Variants in KIF1A observed in about 807,000 individuals in gnomAD.
The protein encoded by KIF1A is kinesin-like protein KIF1A.
KIF1A carries 46 observed loss-of-function variants against 227.3 expected under a neutral mutation model. The observed-to-expected ratio is 0.20, with a 90% CI of 0.16 to 0.26. KIF1A has a LOEUF of 0.26. Ranked by LOEUF, KIF1A falls within the 10% of genes least tolerant of loss-of-function variation. The pLI is 1.00. For synonymous variants in KIF1A, 1,022 were observed against 1,012.8 expected, an observed-to-expected ratio of 1.01 and a Z score of -0.17; for missense variants, 1,683 against 2,485.9, an observed-to-expected ratio of 0.68 and a Z score of 6.87.
intron 7 of KIF1A, 69 bp from the exon 8 acceptor site, chr2:240,783,885 GC>G: frequency 8.2e-7 from 1 of 1,225,910 alleles, no homozygotes; most frequent in Non-Finnish European, 1.2e-6. Flanking sequence ...GGACCCCTGG[GC>G]AAGGTCTCCA....
intron 34 of KIF1A, among the ~76,000 whole-genome samples, chr2:240,742,092 T>C (rs2048041436): frequency 6.6e-6 from 1 of 152,250 alleles, no homozygotes; most frequent in South Asian, 2.1e-4. Flanking sequence ...GACCAGGGAC[T>C]GGCTCTGCAG....
intron 1 of KIF1A, among the ~76,000 whole-genome samples, chr2:240,811,640 T>A (rs577115494): frequency 1.3e-4 from 19 of 151,930 alleles, no homozygotes; most frequent in African/African-American, 4.1e-4. Context: ...CTGGGACAGG[T>A]GGGGCAGGAA....
chr2:240,821,218 C>T (rs1438110774), upstream of KIF1A, among the ~76,000 whole-genome samples: 2 of 152,214 alleles, frequency 1.3e-5, no homozygotes, highest in Non-Finnish European at 2.9e-5. Context: ...CCATCGAGCC[C>T]CTGCCATGGG....
At chr2:240,818,079 G>T (rs1316105538) in intron 1 of KIF1A, among the ~76,000 whole-genome samples, 6 of 152,130 alleles carry the variant, frequency 3.9e-5, no homozygotes, top group Non-Finnish European at 7.4e-5. Flanking sequence ...GCAGCACCCG[G>T]CTGGGAGCAG....
At chr2:240,805,561 C>G (rs2057345170) in intron 1 of KIF1A, among the ~76,000 whole-genome samples, 1 of 152,166 alleles carries the variant, frequency 6.6e-6, no homozygotes, top group African/African-American at 2.4e-5. Context: ...GGGATTTTAA[C>G]ACACTTCTCA....
At position 240,790,856 on chromosome 2, in the gene KIF1A, C is replaced by T. The variant is rs962341144; in HGVS notation, c.107-1544G>A. 1.3e-5 allele frequency among the ~76,000 whole-genome samples: 2 copies of T among 152,152 alleles called. No homozygotes were observed. Among genetic ancestry groups the T allele is most frequent in the African/African-American group, 4.8e-5 (2 of 41,428 alleles). ...ATGGCTCAGGAGCAGCCACCTCTGC[C>T]ACCACCTTGATCTCAGACTTCTGGC... On this transcript the variant is annotated intron_variant, in intron 2 of 48. Coordinates refer to ENST00000498729, the MANE Select transcript of KIF1A (RefSeq NM_001244008.2). The surrounding 1 kb of genome is among the most constrained non-coding windows in gnomAD (Gnocchi z 5.0).
At chr2:240,742,438 T>C (rs570291887) in intron 34 of KIF1A, among the ~76,000 whole-genome samples, 4 of 152,042 alleles carry the variant, frequency 2.6e-5, no homozygotes, top group African/African-American at 9.6e-5. Context: ...AACTCCACTC[T>C]TTTAACTAAA....
chr2:240,765,645 T>C, intron 20 of KIF1A, 65 bp downstream of exon 20: 1 of 1,315,018 alleles, frequency 7.6e-7, no homozygotes, highest in Non-Finnish European at 1.1e-6. Flanking sequence ...GGCTTGGACA[T>C]GGGAACAGAG....
chr2:240,806,391 C>T (rs2057407544), intron 1 of KIF1A, among the ~76,000 whole-genome samples: 1 of 152,202 alleles, frequency 6.6e-6, no homozygotes, highest in African/African-American at 2.4e-5. Context: ...ATTCTCAAAA[C>T]TCACACAAGG....
intron 25 of KIF1A, among the ~76,000 whole-genome samples, chr2:240,760,021 G>GAAAAA (rs397967291): frequency 1.9e-3 from 263 of 135,548 alleles, no homozygotes; most frequent in African/African-American, 6.7e-3. Flanking sequence ...GTCTCTTAAA[G>GAAAAA]AAAAAAAAAA....
chr2:240,784,325 C>T (rs1202856794), intron 7 of KIF1A, among the ~76,000 whole-genome samples: 2 of 152,140 alleles, frequency 1.3e-5, no homozygotes, highest in African/African-American at 4.8e-5. Context: ...CCTGGCCCCT[C>T]CTGAGCCATA....
intron 38 of KIF1A, among the ~76,000 whole-genome samples, chr2:240,731,891 AGGAGGGG>A (rs1316399895): frequency 0.048 from 156 of 3,240 alleles, no homozygotes; most frequent in Non-Finnish European, 0.07. Context: ...GGATGAGGGG[AGGAGGGG>A]AGGAGGGGAG....
intron 12 of KIF1A, 125 bp downstream of exon 12, chr2:240,774,058 G>C: frequency 1.7e-6 from 1 of 583,092 alleles, no homozygotes; most frequent in South Asian, 2.5e-5. Context: ...GCCTCACAGA[G>C]TCCAGGGTAT....
At chr2:240,751,448 C>CGCCCAG (rs2049196925) in intron 27 of KIF1A, among the ~76,000 whole-genome samples, 2 of 152,176 alleles carry the variant, frequency 1.3e-5, no homozygotes, top group African/African-American at 2.4e-5. Flanking sequence ...GGGCTGTGAA[C>CGCCCAG]GCCCAACACC....
In KIF1A at chr2:240,788,033, C is replaced by A. The variant is rs1188103117; in HGVS notation, c.363+18G>T. The stretch of plus-strand genomic sequence containing the variant: ...CCCCATCTGCCAGGGCTGCCCCCGC[C>A]CGCCCCCCGCTTCGTGCCTGTGGGA... On this transcript the variant is annotated intron_variant, in intron 4 of 48. Transcript: ENST00000498729. This position sits in a 1 kb window ranked among gnomAD's most constrained non-coding sequence, Gnocchi z 6.6. 5.5e-6 allele frequency: 8 copies of A among 1,442,256 alleles called. 1 individual carries two copies. The highest frequency in any genetic ancestry group is 7.6e-6 in the Non-Finnish European group (8 of 1,053,172). 89.3% of individuals were successfully genotyped at this position (1,442,256 alleles called of 1,614,324 possible).
In KIF1A at chr2:240,725,146, T is replaced by C. The variant is rs1399393645; in HGVS notation, c.4256+125A>G. 2 of 958,842 alleles carry C rather than the reference T, an allele frequency of 2.1e-6. No homozygotes were observed. Among genetic ancestry groups the C allele is most frequent in the Non-Finnish European group, 3.1e-6 (2 of 646,910 alleles). 59.4% of individuals were successfully genotyped at this position (958,842 alleles called of 1,614,324 possible). Reference sequence around the variant, plus strand: ...CTGAGCGCAGGGAGCCAGCCAGGAGTGTGGCTGGGCCTCGCACAGGGTGAG... The same window carrying C: ...CTGAGCGCAGGGAGCCAGCCAGGAGCGTGGCTGGGCCTCGCACAGGGTGAG... On this transcript the variant is annotated intron_variant, in intron 40 of 48. Coordinates refer to ENST00000498729, the MANE Select transcript of KIF1A (RefSeq NM_001244008.2). This position sits in a 1 kb window ranked among gnomAD's most constrained non-coding sequence, Gnocchi z 5.8.
At position 240,718,083 on chromosome 2, in the gene KIF1A, T is replaced by C; in HGVS notation, c.5300A>G (p.Tyr1767Cys). The C allele has an allele frequency of 6.2e-7, 1 of 1,611,306 alleles. No individual in the cohort carries two copies. The highest frequency in any genetic ancestry group is 8.5e-7 in the Non-Finnish European group (1 of 1,179,234). ...ASDKDMHDWL[Y>C]AFNPLLAGTI... Reference sequence around the variant, plus strand: ...CCCGGCCAGGAGGGGGTTGAAGGCGTACAGCCAGTCATGCATGTCCTTGTC... The same window carrying C: ...CCCGGCCAGGAGGGGGTTGAAGGCGCACAGCCAGTCATGCATGTCCTTGTC... Residue 1767 changes from tyrosine to cysteine, a missense_variant, in exon 48 of 49, where the codon TAC becomes TGC. By Grantham distance (194) the Tyr-to-Cys change is radical. Coordinates refer to ENST00000498729, the MANE Select transcript of KIF1A (RefSeq NM_001244008.2).
At chr2:240,786,641 T>A in intron 5 of KIF1A, 128 bp from the exon 6 acceptor site, 1 of 782,726 alleles carries the variant, frequency 1.3e-6, no homozygotes, top group South Asian at 1.8e-5. Flanking sequence ...GGGGCCGCCA[T>A]CAGGACCCCT....
Position 240,788,041 on chromosome 2 carries a change from C to CCCCTAGGG in KIF1A, c.363+9_363+10insCCCTAGGG. On this transcript the variant is annotated intron_variant, in intron 4 of 48. Transcript: ENST00000498729. This position sits in a 1 kb window ranked among gnomAD's most constrained non-coding sequence, Gnocchi z 6.6. ...GCCAGGGCTGCCCCCGCCCGCCCCCCGCTTCGTGCCTGTGGGATGATGCCC... is the reference window on the plus strand; with the variant it reads ...GCCAGGGCTGCCCCCGCCCGCCCCCCCCCTAGGGGCTTCGTGCCTGTGGGATGATGCCC... The CCCCTAGGG allele has an allele frequency of 4.6e-6, 7 of 1,520,632 alleles. No homozygotes were observed. Among genetic ancestry groups the CCCCTAGGG allele is most frequent in the Non-Finnish European group, 5.4e-6 (6 of 1,121,272 alleles). 94.2% of individuals were successfully genotyped at this position (1,520,632 alleles called of 1,614,324 possible). A position where few individuals can be genotyped will look rare whatever the true frequency, so the allele number is the denominator to read the frequency against.
Sources: allele counts gnomAD v4.1 joint callset (sites outside exome capture counted in the v4.1 genomes callset), GRCh38; gene constraint gnomAD v4.1.1; non-coding constraint Gnocchi (gnomAD v3.1); transcripts MANE v1.5; gene names NCBI Gene and HGNC (gene_info 2026-07-23, HGNC 2026-07-21).